The following OGDH variants were observed in gnomAD, a reference collection of about 807,000 sequenced individuals.
OGDH encodes 2-oxoglutarate dehydrogenase complex component E1.
A neutral mutation model predicts 116.6 loss-of-function variants in OGDH; 38 were observed. The ratio of observed to expected loss-of-function variants is 0.33; its 90% CI spans 0.25 to 0.43. OGDH has a LOEUF of 0.43. OGDH is among the 20% of genes least tolerant of loss of function. OGDH has a pLI of 1.00. For missense variants in OGDH, 825 were observed against 1,357.2 expected (o/e 0.61, Z 6.16); for synonymous variants, 488 against 533.3 (o/e 0.92, Z 1.17).
chr7:44,615,743 A>G (rs147004406), intron 1 of OGDH, among the ~76,000 whole-genome samples: 1 of 152,290 alleles, frequency 6.6e-6, no homozygotes, highest in Non-Finnish European at 1.5e-5. Context: ...AAGAAAATCA[A>G]GAACTCAGTG....
At chr7:44,674,011 G>A (rs1787581624) in intron 6 of OGDH, 70 bp downstream of exon 6, 1 of 1,585,418 alleles carries the variant, frequency 6.3e-7, no homozygotes, top group South Asian at 1.1e-5. Context: ...GTGTTGATCG[G>A]GCCTGTGTGC....
chr7:44,630,666 G>A (rs543632771), intron 2 of OGDH, among the ~76,000 whole-genome samples: 2 of 151,980 alleles, frequency 1.3e-5, no homozygotes, highest in Admixed American at 1.3e-4. Flanking sequence ...AACTATGCAC[G>A]TTCTCCCATA....
intron 17 of OGDH, 28 bp from the exon 18 acceptor site, chr7:44,698,164 A>G (rs1422360069): frequency 8.1e-6 from 13 of 1,613,302 alleles, no homozygotes; most frequent in Non-Finnish European, 1.1e-5. Flanking sequence ...AAGAGCTCTT[A>G]AACTGTAACT....
chr7:44,696,393 G>C, intron 13 of OGDH, 36 bp from the exon 14 acceptor site: 3 of 1,601,206 alleles, frequency 1.9e-6, no homozygotes, highest in Non-Finnish European at 2.6e-6. Context: ...GAAAAGTAGA[G>C]CAGATGTCAT....
intron 5 of OGDH, among the ~76,000 whole-genome samples, chr7:44,668,884 T>C (rs1044066478): frequency 6.6e-6 from 1 of 152,242 alleles, no homozygotes; most frequent in Admixed American, 6.5e-5. Flanking sequence ...ACAAATTACA[T>C]ATGTGGCTTA....
At chr7:44,674,367 G>T (rs1468517117) in intron 6 of OGDH, 44 bp from the exon 7 acceptor site, 1 of 1,612,440 alleles carries the variant, frequency 6.2e-7, no homozygotes. Flanking sequence ...TTTTGGTCAG[G>T]AAGAGTGACA....
intron 3 of OGDH, 138 bp from the exon 4 acceptor site, chr7:44,647,517 CTG>C (rs1308029053): frequency 6.5e-7 from 1 of 1,543,440 alleles, no homozygotes; most frequent in Non-Finnish European, 8.7e-7. Flanking sequence ...GCTCCAGTAA[CTG>C]TTTCTTCAAA....
intron 1 of OGDH, among the ~76,000 whole-genome samples, chr7:44,622,606 A>T (rs1171243046): frequency 6.6e-6 from 1 of 152,136 alleles, no homozygotes; most frequent in Non-Finnish European, 1.5e-5. Context: ...TTGGGCCAAG[A>T]GGAAGTTTCT....
At chr7:44,637,752 G>T (rs1444962734) in intron 2 of OGDH, among the ~76,000 whole-genome samples, 2 of 151,922 alleles carry the variant, frequency 1.3e-5, no homozygotes, top group Non-Finnish European at 2.9e-5. Context: ...GGGTTGGGGG[G>T]TGGTTGCAGT....
intron 18 of OGDH, 50 bp downstream of exon 18, chr7:44,698,313 G>A (rs1196985644): frequency 6.4e-7 from 1 of 1,574,020 alleles, no homozygotes. Context: ...GTGTCTGGTG[G>A]GAAACCTGGG....
Position 44,667,738 on chromosome 7 carries a change from A to G in OGDH, c.633+887A>G, listed in dbSNP as rs79593659. Among the ~76,000 whole-genome samples the G allele has an allele frequency of 3.6e-3, 544 of 152,312 alleles. 4 individuals are homozygous for G. Among genetic ancestry groups the G allele is most frequent in the African/African-American group, 0.013 (528 of 41,556 alleles). Reference sequence around the variant, plus strand: ...GGAGAATGGATTTGATGAGAGGTGCATGCCAAGAGTTGGCTATTACTGTTA... The same window carrying G: ...GGAGAATGGATTTGATGAGAGGTGCGTGCCAAGAGTTGGCTATTACTGTTA... On this transcript the variant is annotated intron_variant, in intron 5 of 22. Coordinates refer to ENST00000222673, the MANE Select transcript of OGDH (RefSeq NM_002541.4).
At position 44,674,425 on chromosome 7, in the gene OGDH, T is replaced by TCTG; in HGVS notation, c.803_804insCTG (p.Leu268_Gln269insTer). Reference sequence around the variant, plus strand: ...TCCCTGTCCAGGTTTGAGGAGTTCCTACAGCGGAAGTGGTCCTCTGAGAAG... The same window carrying TCTG: ...TCCCTGTCCAGGTTTGAGGAGTTCCTCTGACAGCGGAAGTGGTCCTCTGAGAAG... On this transcript the variant is annotated stop_gained and inframe_insertion, in exon 7 of 23. Coordinates refer to ENST00000222673, the MANE Select transcript of OGDH (RefSeq NM_002541.4). LOFTEE classifies it high-confidence loss of function. The TCTG allele has an allele frequency of 6.2e-7, 1 of 1,614,140 alleles. No individual in the cohort carries two copies. The highest frequency in any genetic ancestry group is 8.5e-7 in the Non-Finnish European group (1 of 1,180,004).
intron 2 of OGDH, among the ~76,000 whole-genome samples, chr7:44,632,648 C>G (rs570056208): frequency 6.6e-6 from 1 of 151,436 alleles, no homozygotes; most frequent in South Asian, 2.1e-4. Context: ...GATGGACTTT[C>G]GCTCTGTCAC....
At chr7:44,613,880 C>CA (rs1784665420) in intron 1 of OGDH, among the ~76,000 whole-genome samples, 1 of 146,678 alleles carries the variant, frequency 6.8e-6, no homozygotes, top group Non-Finnish European at 1.5e-5. Flanking sequence ...GATCTCAGCT[C>CA]ACTGCAACCT....
chr7:44,631,676 T>A (rs1332287769), intron 2 of OGDH, among the ~76,000 whole-genome samples: 1 of 152,244 alleles, frequency 6.6e-6, no homozygotes, highest in Non-Finnish European at 1.5e-5. Flanking sequence ...TGTGGTAGTT[T>A]GCAGCTCATG....
At position 44,697,036 on chromosome 7, in the gene OGDH, G is replaced by A. The variant is rs1788611076; in HGVS notation, c.2023G>A (p.Gly675Ser). 6.2e-7 allele frequency: 1 copy of A among 1,614,152 alleles called. No homozygotes were observed. Among genetic ancestry groups the A allele is most frequent in the Non-Finnish European group, 8.5e-7 (1 of 1,179,982 alleles). ...GGAGGGCATCCACATTCGGCTGAGC[G>A]GCCAGGACGTGGAGCGGGGCACATT... ...LKEGIHIRLS[G>S]QDVERGTFSH... The change falls in exon 15 of 23, where the codon GGC (glycine) becomes AGC (serine). Residue 675 changes from glycine (G) to serine (S), a missense_variant. Gly to Ser is a moderately conservative substitution (Grantham distance 56). Transcript: ENST00000222673. The surrounding 1 kb of genome is among the most constrained non-coding windows in gnomAD (Gnocchi z 6.0).
Position 44,697,339 on chromosome 7 carries a change from C to T in OGDH, c.2052-31C>T. 6.2e-7 allele frequency: 1 copy of T among 1,613,470 alleles called. No homozygotes were observed. Among genetic ancestry groups the T allele is most frequent in the Non-Finnish European group, 8.5e-7 (1 of 1,179,512 alleles). Reference sequence around the variant, plus strand: ...CGTATTTGCTTGTCAAGTCAGAGCTCCTAATTATTACCTCTGTTGTCCTGT... The same window carrying T: ...CGTATTTGCTTGTCAAGTCAGAGCTTCTAATTATTACCTCTGTTGTCCTGT... On this transcript the variant is annotated intron_variant, in intron 15 of 22. Coordinates refer to ENST00000222673, the MANE Select transcript of OGDH (RefSeq NM_002541.4). This position sits in a 1 kb window ranked among gnomAD's most constrained non-coding sequence, Gnocchi z 6.0.
chr7:44,622,578 A>C (rs1399330628), intron 1 of OGDH, among the ~76,000 whole-genome samples: 1 of 152,110 alleles, frequency 6.6e-6, no homozygotes, highest in African/African-American at 2.4e-5. Flanking sequence ...GTGTCCCTTA[A>C]GTGTATTCTG....
chr7:44,674,097 C>G (rs755920506), intron 6 of OGDH, among the ~76,000 whole-genome samples, 156 bp downstream of exon 6: 1 of 152,174 alleles, frequency 6.6e-6, no homozygotes. Context: ...GAAGAGACAC[C>G]AGACAAGTAG....
Sources: gnomAD v4.1 joint callset for allele counts (sites outside exome capture counted in the v4.1 genomes callset) on GRCh38, gnomAD v4.1.1 for gene constraint, Gnocchi (gnomAD v3.1) non-coding constraint, MANE v1.5 for transcripts, NCBI Gene and HGNC (gene_info 2026-07-23, HGNC 2026-07-21) for gene names.